CACNG2: variants seen among roughly 807,000 people sequenced by gnomAD.
CACNG2 encodes calcium voltage-gated channel auxiliary subunit gamma 2.
CACNG2 carries 3 observed loss-of-function variants against 25.9 expected under a neutral mutation model. That is an observed-to-expected ratio of 0.12 (90% confidence interval 0.05 to 0.30). CACNG2 has a LOEUF of 0.30. Ranked by LOEUF, CACNG2 falls within the 10% of genes least tolerant of loss-of-function variation. The probability of loss-of-function intolerance (pLI) is 1.00; values close to 1 mark genes in which losing one functional copy is unlikely to be tolerated. For missense variants in CACNG2, 341 were observed against 432.5 expected (o/e 0.79, Z 1.88); for synonymous variants, 167 against 173.3 (o/e 0.96, Z 0.29).
At chr22:36,613,010 T>G (rs1193685931) in intron 1 of CACNG2, among the ~76,000 whole-genome samples, 1 of 152,190 alleles carries the variant, frequency 6.6e-6, no homozygotes, top group Non-Finnish European at 1.5e-5. Context: ...GCAAGTAAGT[T>G]TGGGAAATGC....
At chr22:36,631,516 G>A (rs563763367) in intron 1 of CACNG2, among the ~76,000 whole-genome samples, 1 of 152,160 alleles carries the variant, frequency 6.6e-6, no homozygotes, top group Admixed American at 6.5e-5. Flanking sequence ...TTAGCATGAA[G>A]TGGTCCTGTG....
At chr22:36,610,975 A>G (rs1205665836) in intron 1 of CACNG2, among the ~76,000 whole-genome samples, 1 of 152,232 alleles carries the variant, frequency 6.6e-6, no homozygotes, top group Non-Finnish European at 1.5e-5. Context: ...GGGAAGGCAA[A>G]CACTGTTTGC....
chr22:36,630,217 T>C (rs967644014), intron 1 of CACNG2, among the ~76,000 whole-genome samples: 1 of 152,116 alleles, frequency 6.6e-6, no homozygotes, highest in Non-Finnish European at 1.5e-5. Context: ...AGTGGGTAGG[T>C]AGACCAGTTG....
intron 1 of CACNG2, among the ~76,000 whole-genome samples, chr22:36,620,548 C>A (rs531793581): frequency 1.1e-4 from 17 of 152,354 alleles, no homozygotes; most frequent in African/African-American, 3.6e-4. Context: ...TTTAAGAACA[C>A]AGACTTATGA....
intron 1 of CACNG2, among the ~76,000 whole-genome samples, chr22:36,593,830 C>G (rs1935632737): frequency 6.6e-6 from 1 of 151,882 alleles, no homozygotes. Context: ...GCACTTGGAG[C>G]TCGGTGGGCC....
intron 1 of CACNG2, among the ~76,000 whole-genome samples, chr22:36,595,213 C>T (rs1045404318): frequency 2.0e-5 from 3 of 151,896 alleles, no homozygotes; most frequent in South Asian, 4.2e-4. Flanking sequence ...CAGGATAGTG[C>T]GGGACATAGG....
chr22:36,662,420 C>T (rs1936811936), intron 1 of CACNG2, among the ~76,000 whole-genome samples: 2 of 152,154 alleles, frequency 1.3e-5, no homozygotes, highest in South Asian at 4.1e-4. Flanking sequence ...CTGACCTGAC[C>T]CCTGCTTCCT....
intron 1 of CACNG2, among the ~76,000 whole-genome samples, chr22:36,622,790 C>T (rs1004849321): frequency 6.6e-6 from 1 of 151,906 alleles, no homozygotes; most frequent in African/African-American, 2.4e-5. Context: ...GAAACCCCGT[C>T]TCTACCAATA....
At chr22:36,696,699 C>T (rs954457257) in intron 1 of CACNG2, among the ~76,000 whole-genome samples, 3 of 152,152 alleles carry the variant, frequency 2.0e-5, no homozygotes, top group African/African-American at 4.8e-5. Context: ...GGTAAGTACT[C>T]TGTAAAAATA....
At chr22:36,649,566 A>T (rs1936576994) in intron 1 of CACNG2, among the ~76,000 whole-genome samples, 1 of 152,290 alleles carries the variant, frequency 6.6e-6, no homozygotes, top group South Asian at 2.1e-4. Context: ...GATTAGAGGC[A>T]TGAGCCACCA....
At chr22:36,621,638 C>A (rs981494227) in intron 1 of CACNG2, among the ~76,000 whole-genome samples, 2 of 151,648 alleles carry the variant, frequency 1.3e-5, no homozygotes, top group Non-Finnish European at 2.9e-5. Context: ...CATACACAGG[C>A]ACACACACAA....
intron 1 of CACNG2, among the ~76,000 whole-genome samples, chr22:36,644,237 G>C (rs1417061710): frequency 6.6e-6 from 1 of 152,146 alleles, no homozygotes; most frequent in East Asian, 1.9e-4. Flanking sequence ...AGCTGAACTG[G>C]GCTAAAACTG....
At chr22:36,639,961 G>C (rs908678551) in intron 1 of CACNG2, among the ~76,000 whole-genome samples, 3 of 152,162 alleles carry the variant, frequency 2.0e-5, no homozygotes, top group African/African-American at 7.2e-5. Context: ...TGTCTCCCGA[G>C]TTCCTGTCAA....
rs142430872 is a variant in CACNG2 at position 36,656,194 on chromosome 22, T to C, written c.211+46172A>G. Among the ~76,000 whole-genome samples, 672 of 152,300 alleles carry C rather than the reference T, an allele frequency of 4.4e-3. 5 individuals are homozygous for C. Among genetic ancestry groups the C allele is most frequent in the Non-Finnish European group, 7.7e-3 (524 of 68,020 alleles). On this transcript the variant is annotated intron_variant, in intron 1 of 3. Transcript: ENST00000300105. ...GTATAGGATGGAACAATCTAATAAA[T>C]AGACTCACCTTATGATTTCTAGAAA...
intron 1 of CACNG2, among the ~76,000 whole-genome samples, chr22:36,658,796 C>T (rs74846620): frequency 2.6e-5 from 4 of 151,866 alleles, no homozygotes; most frequent in Admixed American, 2.6e-4. Flanking sequence ...GGGGAATAGG[C>T]GGGGTGTGGG....
chr22:36,689,604 A>G (rs1405437499), intron 1 of CACNG2, among the ~76,000 whole-genome samples: 2 of 152,230 alleles, frequency 1.3e-5, no homozygotes, highest in African/African-American at 4.8e-5. Flanking sequence ...ATTACTGGAC[A>G]ATTTTTCCTA....
chr22:36,669,436 A>T (rs1936918019), intron 1 of CACNG2, among the ~76,000 whole-genome samples: 1 of 140,266 alleles, frequency 7.1e-6, no homozygotes, highest in Admixed American at 7.8e-5. Context: ...TGAACCCAGG[A>T]GGCAGAGGTT....
chr22:36,663,696 C>T (rs1039706571), intron 1 of CACNG2, among the ~76,000 whole-genome samples: 1 of 152,206 alleles, frequency 6.6e-6, no homozygotes, highest in African/African-American at 2.4e-5. Context: ...GAGTCCTCAG[C>T]ATCCCTGGGC....
At chr22:36,641,960 T>C (rs185157761) in intron 1 of CACNG2, among the ~76,000 whole-genome samples, 12 of 152,346 alleles carry the variant, frequency 7.9e-5, no homozygotes, top group Non-Finnish European at 1.5e-4. Flanking sequence ...GAGATCCTTC[T>C]AACAAGACCA....
Sources: gnomAD v4.1 joint callset for allele counts (sites outside exome capture counted in the v4.1 genomes callset) on GRCh38, gnomAD v4.1.1 for gene constraint, MANE v1.5 for transcripts, NCBI Gene and HGNC (gene_info 2026-07-23, HGNC 2026-07-21) for gene names.